Variants in SPEG observed in about 807,000 individuals in gnomAD.
SPEG encodes the protein striated muscle enriched protein kinase.
SPEG carries 114 observed loss-of-function variants against 300.4 expected under a neutral mutation model. That is an observed-to-expected ratio of 0.38 (90% CI 0.33 to 0.44). SPEG has a LOEUF of 0.44. SPEG is among the 20% of genes least tolerant of loss of function. The pLI is 1.00. For missense variants in SPEG, 4,201 were observed against 4,586.2 expected (o/e 0.92, Z 2.43); for synonymous variants, 1,964 against 2,018.9 (o/e 0.97, Z 0.73).
In SPEG at chr2:219,483,916, C is replaced by T. The variant is rs1161515341; in HGVS notation, c.6453C>T (p.Ile2151=). The T allele has an allele frequency of 1.2e-6, 2 of 1,603,540 alleles. No homozygotes were observed. The highest frequency in any genetic ancestry group is 3.3e-5 in the Admixed American group (2 of 59,912). ...RHRRAGAPLE[I]PVARLGARRL... is the part of the protein sequence containing the mutation. ...GCCGAGCGGGGGCGCCCCTCGAGAT[C>T]CCCGTGGCCAGGCTTGGGGCCCGTA... Residue 2151 remains isoleucine (I), a synonymous_variant, in exon 30 of 41, where the codon ATC becomes ATT. Coordinates refer to ENST00000312358, the MANE Select transcript of SPEG (RefSeq NM_005876.5).
At chr2:219,468,495 T>C in intron 10 of SPEG, 83 bp from the exon 11 acceptor site, 1 of 1,479,340 alleles carries the variant, frequency 6.8e-7, no homozygotes. Context: ...AGCTTCCTGC[T>C]CAGCCTTAGG....
At position 219,479,653 on chromosome 2, in the gene SPEG, C is replaced by T. The variant is rs1348757415; in HGVS notation, c.5086-130C>T. 1 of 795,730 alleles carries T rather than the reference C, an allele frequency of 1.3e-6. No individual in the cohort carries two copies. Among genetic ancestry groups the T allele is most frequent in the Non-Finnish European group, 2.1e-6 (1 of 465,902 alleles). 49.3% of individuals were successfully genotyped at this position (795,730 alleles called of 1,614,324 possible). On this transcript the variant is annotated intron_variant, in intron 23 of 40. Coordinates refer to ENST00000312358, the MANE Select transcript of SPEG (RefSeq NM_005876.5). This position sits in a 1 kb window ranked among gnomAD's most constrained non-coding sequence, Gnocchi z 5.5. ...AGCCTTGGATCTTTGCAACCCCAAA[C>T]CTGTTTCAGCCCCTTCCACGAGCCA...
At chr2:219,482,943 C>T in intron 29 of SPEG, 91 bp downstream of exon 29, 13 of 1,440,926 alleles carry the variant, frequency 9.0e-6, no homozygotes, top group Non-Finnish European at 1.3e-5. Flanking sequence ...TCTCCTGCTC[C>T]TGTCTTCTCG....
At position 219,488,816 on chromosome 2, in the gene SPEG, A is replaced by T; in HGVS notation, c.8065A>T (p.Thr2689Ser). The change falls in exon 34 of 41, where the codon ACC (threonine) becomes TCC (serine). Residue 2689 changes from threonine to serine, a missense_variant. This residue lies in a region of SPEG where 1,578 missense variants were observed against 1,506.0 expected (regional missense o/e 1.05). Transcript: ENST00000312358. ...GKLAPPEVPQ[T>S]YQDTALVLWK... ...GCTAGCTCCTCCAGAGGTACCCCAG[A>T]CCTACCAGGACACGGCGCTGGTGCT... is the stretch of plus-strand genomic sequence containing the variant. 6.3e-7 allele frequency: 1 copy of T among 1,597,566 alleles called. No homozygotes were observed. Among genetic ancestry groups the T allele is most frequent in the Non-Finnish European group, 8.5e-7 (1 of 1,170,912 alleles).
In SPEG at chr2:219,471,915, G is replaced by T. The variant is rs564998678; in HGVS notation, c.3763G>T (p.Ala1255Ser). ...LVFPAVGPQH[A>S]GVYKSVIANK... ...GTTCCCTGCCGTGGGGCCTCAGCACGCCGGTGTCTACAAGAGCGTCATTGC... is the reference window on the plus strand; with the variant it reads ...GTTCCCTGCCGTGGGGCCTCAGCACTCCGGTGTCTACAAGAGCGTCATTGC... Residue 1255 changes from alanine (A) to serine (S), a missense_variant, in exon 14 of 41, where the codon GCC (alanine) becomes TCC (serine). By Grantham distance (99) the Ala-to-Ser change is moderately conservative. Around this residue, in one of 4 missense-constraint regions of SPEG, gnomAD observed 1,047 missense variants for 1,356.8 expected, o/e 0.77. Transcript: ENST00000312358. The T allele has an allele frequency of 1.2e-6, 2 of 1,614,000 alleles. No individual in the cohort carries two copies. Among genetic ancestry groups the T allele is most frequent in the African/African-American group, 2.7e-5 (2 of 75,056 alleles).
Position 219,492,336 on chromosome 2 carries a change from C to CTG in SPEG, c.9611+76_9611+77insTG. On this transcript the variant is annotated intron_variant, in intron 40 of 40. Transcript: ENST00000312358. ...GGCCTGTGCCAGAGATCTCCCAGCT[C>CTG]CTCCCCTGCTCCTAGGAAGAAGTCT... is the stretch of plus-strand genomic sequence containing the variant. 8 of 1,482,864 alleles carry CTG rather than the reference C, an allele frequency of 5.4e-6. No homozygotes were observed. In the South Asian group the frequency reaches 9.8e-5, roughly 18 times the overall value. The allele number at this position is 1,482,864 out of a possible 1,614,324, so 91.9% of individuals were successfully genotyped here. A position where few individuals can be genotyped will look rare whatever the true frequency, so the allele number is the denominator to read the frequency against.
chr2:219,478,919 A>G (rs1400002183), intron 22 of SPEG, among the ~76,000 whole-genome samples: 2 of 152,194 alleles, frequency 1.3e-5, no homozygotes, highest in Admixed American at 6.5e-5. Flanking sequence ...CTTGTCTGAG[A>G]TCCCATAGAA....
chr2:219,484,156 C>T lies in SPEG; in HGVS notation c.6693C>T (p.Pro2231=). Residue 2231 remains proline (P), a synonymous_variant, in exon 30 of 41, where the codon CCC becomes CCT. Coordinates refer to ENST00000312358, the MANE Select transcript of SPEG (RefSeq NM_005876.5). ...EPVRASKPAP[P]PQALQTLALP... is the part of the protein sequence containing the mutation. Reference sequence around the variant, plus strand: ...TCCGAGCCTCCAAGCCTGCACCACCCCCCCAGGCCCTGCAAACCCTAGCGC... The same window carrying T: ...TCCGAGCCTCCAAGCCTGCACCACCTCCCCAGGCCCTGCAAACCCTAGCGC... 2 of 1,613,646 alleles carry T rather than the reference C, an allele frequency of 1.2e-6. No individual in the cohort carries two copies. Among genetic ancestry groups the T allele is most frequent in the Non-Finnish European group, 8.5e-7 (1 of 1,179,960 alleles).
chr2:219,486,177 C>T (rs895764087), intron 31 of SPEG, among the ~76,000 whole-genome samples: 2 of 152,266 alleles, frequency 1.3e-5, no homozygotes, highest in Non-Finnish European at 2.9e-5. Context: ...GTTTCTCTGC[C>T]TGAGTGTCCT....
rs1692462607 is a variant in SPEG, at chr2:219,477,565, A to C, written c.4729+120A>C. ...CGAGCCACCACACCCCCAGCCCAGC[A>C]CCCCGCCTTGAGCCCCCAACATTCT... On this transcript the variant is annotated intron_variant, in intron 20 of 40. Coordinates refer to ENST00000312358, the MANE Select transcript of SPEG (RefSeq NM_005876.5). This position sits in a 1 kb window ranked among gnomAD's most constrained non-coding sequence, Gnocchi z 6.4. 2.9e-6 allele frequency: 4 copies of C among 1,367,582 alleles called. No homozygotes were observed. The highest frequency in any genetic ancestry group is 4.0e-6 in the Non-Finnish European group (4 of 1,010,660). 84.7% of individuals were successfully genotyped at this position (1,367,582 alleles called of 1,614,324 possible).
intron 9 of SPEG, chr2:219,466,797 G>C (rs745902280): frequency 1.8e-5 from 18 of 1,027,004 alleles, no homozygotes; most frequent in Admixed American, 5.3e-5. Flanking sequence ...GGGGGCCACT[G>C]TAGTGAGCGT....
chr2:219,488,761 C>CT lies in SPEG; in HGVS notation c.8027-15dup. ...TAGGGTATAGGGGCTCACTGGGACTCTTCTTTCTCTTGCCAGGAGTCCCAG... is the reference window on the plus strand; with the variant it reads ...TAGGGTATAGGGGCTCACTGGGACTCTTTCTTTCTCTTGCCAGGAGTCCCAG... On this transcript the variant is annotated splice_polypyrimidine_tract_variant and intron_variant, in intron 33 of 40. Transcript: ENST00000312358. The CT allele has an allele frequency of 6.2e-7, 1 of 1,610,154 alleles. No homozygotes were observed. Among genetic ancestry groups the CT allele is most frequent in the Non-Finnish European group, 8.5e-7 (1 of 1,178,028 alleles).
At position 219,473,861 on chromosome 2, in the gene SPEG, C is replaced by A. The variant is rs748200228; in HGVS notation, c.4405C>A (p.Arg1469Ser). 3 of 1,613,530 alleles carry A rather than the reference C, an allele frequency of 1.9e-6. No homozygotes were observed. The South Asian group carries it at 3.3e-5, about 18-fold the overall frequency. ...GGCCCTCACCTGCACCGCCCGAAAC[C>A]GTCACGGCACACAGACCTGCTCGGT... ...MGALTCTARN[R>S]HGTQTCSVTL... Residue 1469 changes from arginine to serine, a missense_variant, in exon 18 of 41, where the codon CGT becomes AGT. Arg to Ser is a moderately radical substitution (Grantham distance 110). This residue lies in a region of SPEG where 1,047 missense variants were observed against 1,356.8 expected (regional missense o/e 0.77). Transcript: ENST00000312358. This position sits in a 1 kb window ranked among gnomAD's most constrained non-coding sequence, Gnocchi z 4.6.
At position 219,448,059 on chromosome 2, in the gene SPEG, C is replaced by A. The variant is rs2125278749; in HGVS notation, c.901C>A (p.Pro301Thr). ...CGAAGCCCCACGCCGCCCTGCCCAG[C>A]CGCCTCCTTCCAAATCCGCGCTGCT... ...ASEAPRRPAQ[P>T]PPSKSALLPP... Residue 301 changes from proline to threonine, a missense_variant, in exon 4 of 41, where the codon CCG becomes ACG. Physicochemically the swap from Pro to Thr is conservative, Grantham distance 38 (BLOSUM62 -1). Coordinates refer to ENST00000312358, the MANE Select transcript of SPEG (RefSeq NM_005876.5). The A allele has an allele frequency of 1.2e-6, 2 of 1,611,070 alleles. No individual in the cohort carries two copies. Among genetic ancestry groups the A allele is most frequent in the Non-Finnish European group, 1.7e-6 (2 of 1,179,410 alleles).
chr2:219,464,323 TG>T lies in SPEG; in HGVS notation c.2706-107del. 8.2e-7 allele frequency: 1 copy of T among 1,225,754 alleles called. No individual in the cohort carries two copies. Among genetic ancestry groups the T allele is most frequent in the Non-Finnish European group, 1.1e-6 (1 of 884,280 alleles). 75.9% of individuals were successfully genotyped at this position (1,225,754 alleles called of 1,614,324 possible). A position where few individuals can be genotyped will look rare whatever the true frequency, so the allele number is the denominator to read the frequency against. On this transcript the variant is annotated intron_variant, in intron 8 of 40. Transcript: ENST00000312358. This position sits in a 1 kb window ranked among gnomAD's most constrained non-coding sequence, Gnocchi z 4.5. ...CGGTCAGTGGGACAGATCTGGGGAC[TG>T]GGCAAACTGCACAGGGAAGGAGAGG...
In SPEG at chr2:219,489,236, A is replaced by G. The variant is rs374318158; in HGVS notation, c.8317+15A>G. The G allele has an allele frequency of 1.4e-4, 222 of 1,613,456 alleles. 1 individual carries two copies. The African/African-American group carries it at 2.5e-3, about 18-fold the overall frequency. ...GGGTACTCAAGGTCAGTGCAATGGTATGGGGTGGGAGGAGGAAGGGGGCTC... is the reference window on the plus strand; with the variant it reads ...GGGTACTCAAGGTCAGTGCAATGGTGTGGGGTGGGAGGAGGAAGGGGGCTC... On this transcript the variant is annotated intron_variant, in intron 35 of 40. Transcript: ENST00000312358.
intron 9 of SPEG, chr2:219,465,985 G>A: frequency 7.6e-7 from 1 of 1,317,080 alleles, no homozygotes; most frequent in East Asian, 2.4e-5. Flanking sequence ...GTGCATGTGT[G>A]TGTGTGCGCG....
chr2:219,435,363 G>T lies in SPEG; in HGVS notation c.386G>T (p.Gly129Val). ...CEAVLTVLEV[G>V]DSETAEDDIS... ...GCGGTGCTCACAGTGCTGGAGGTCG[G>T]AGGTAAAGGGCAGGTGGGGGCCGCG... The change falls in exon 1 of 41, where the codon GGA (glycine) becomes GTA (valine). Residue 129 changes from glycine (G) to valine (V), a missense_variant and splice_region_variant. Gly to Val is a moderately radical substitution (Grantham distance 109). Transcript: ENST00000312358. 6.5e-7 allele frequency: 1 copy of T among 1,535,414 alleles called. No individual in the cohort carries two copies. Among genetic ancestry groups the T allele is most frequent in the East Asian group, 2.5e-5 (1 of 40,450 alleles).
At position 219,459,296 on chromosome 2, in the gene SPEG, G is replaced by A. The variant is rs1277488947; in HGVS notation, c.2441-2586G>A. ...CTGTGTTTGCCACAGTGAGAGTTGG[G>A]CTTGTGGGTGCAGCAGGGCTGGGAT... On this transcript the variant is annotated intron_variant, in intron 6 of 40. Transcript: ENST00000312358. The surrounding 1 kb of genome is among the most constrained non-coding windows in gnomAD (Gnocchi z 4.9). Among the ~76,000 whole-genome samples the A allele has an allele frequency of 6.6e-6, 1 of 152,216 alleles. No individual in the cohort carries two copies. Among genetic ancestry groups the A allele is most frequent in the Non-Finnish European group, 1.5e-5 (1 of 68,036 alleles).
Sources: allele counts gnomAD v4.1 joint callset (sites outside exome capture counted in the v4.1 genomes callset), GRCh38; gene constraint gnomAD v4.1.1; regional missense constraint gnomAD v4.1.1; non-coding constraint Gnocchi (gnomAD v3.1); transcripts MANE v1.5; gene names NCBI Gene and HGNC (gene_info 2026-07-23, HGNC 2026-07-21).